INPP4B: variants seen among roughly 807,000 people sequenced by gnomAD.
INPP4B encodes inositol polyphosphate-4-phosphatase type II B, also known as inositol polyphosphate 4-phosphatase type II.
Under a neutral mutation model 122.5 loss-of-function variants are expected in INPP4B, and 55 were observed. The observed-to-expected ratio is 0.45, with a 90% CI of 0.36 to 0.56. INPP4B has a LOEUF of 0.56. Among genes scored for constraint, INPP4B ranks in the 20% least tolerant of loss-of-function variants. INPP4B has a pLI of 0.00. For synonymous variants in INPP4B, 403 were observed against 388.7 expected (o/e 1.04, Z -0.43); for missense variants, 1,000 against 1,097.7 (o/e 0.91, Z 1.26).
At chr4:142,292,928 G>A (rs1195567339) in intron 9 of INPP4B, among the ~76,000 whole-genome samples, 1 of 151,560 alleles carries the variant, frequency 6.6e-6, no homozygotes, top group African/African-American at 2.4e-5. Context: ...TTGATAATTT[G>A]TTAATTTTAA....
chr4:142,750,505 G>T (rs151037244), intron 1 of INPP4B, among the ~76,000 whole-genome samples: 1 of 151,998 alleles, frequency 6.6e-6, no homozygotes, highest in Non-Finnish European at 1.5e-5. Context: ...TAAACTTAGC[G>T]TTTATGGCCA....
intron 1 of INPP4B, among the ~76,000 whole-genome samples, chr4:142,815,170 G>T (rs1779971217): frequency 6.6e-6 from 1 of 152,116 alleles, no homozygotes; most frequent in South Asian, 2.1e-4. Flanking sequence ...GCCTGGACTG[G>T]TATTCCTCAA....
chr4:142,414,315 T>C lies in INPP4B; in HGVS notation c.137-8991A>G, dbSNP rs1874620. Among the ~76,000 whole-genome samples the C allele has an allele frequency of 1.5e-4, 23 of 151,848 alleles. No individual in the cohort carries two copies. In the East Asian group the frequency reaches 4.3e-3, roughly 28 times the overall value. ...GGCTTTTAAATAAAAAAAAAATGGA[T>C]GAGAAGATAAAATTCACTTCTTTAG... On this transcript the variant is annotated intron_variant, in intron 5 of 25. Coordinates refer to ENST00000262992, the MANE Select transcript of INPP4B (RefSeq NM_001101669.3).
At chr4:142,158,248 T>A (rs1339795628) in intron 17 of INPP4B, among the ~76,000 whole-genome samples, 1 of 152,104 alleles carries the variant, frequency 6.6e-6, no homozygotes, top group Non-Finnish European at 1.5e-5. Flanking sequence ...ATACTCAGAT[T>A]TAAATCTCCA....
chr4:142,755,342 C>T (rs1196472689), intron 1 of INPP4B, among the ~76,000 whole-genome samples: 1 of 151,960 alleles, frequency 6.6e-6, no homozygotes, highest in African/African-American at 2.4e-5. Context: ...GCATTGACTT[C>T]ATATGAACTT....
intron 3 of INPP4B, among the ~76,000 whole-genome samples, chr4:142,437,632 AC>A (rs560426802): frequency 4.9e-4 from 74 of 152,292 alleles, no homozygotes; most frequent in African/African-American, 1.6e-3. Flanking sequence ...AGAATTTTCA[AC>A]CCAGAATTTC....
chr4:142,266,414 G>A (rs1326169880), intron 10 of INPP4B, among the ~76,000 whole-genome samples: 2 of 152,166 alleles, frequency 1.3e-5, no homozygotes, highest in East Asian at 3.9e-4. Context: ...TAGGGTAGCA[G>A]AGAAGACCCT....
intron 2 of INPP4B, among the ~76,000 whole-genome samples, chr4:142,678,592 A>G (rs1758149436): frequency 6.6e-6 from 1 of 151,962 alleles, no homozygotes; most frequent in Non-Finnish European, 1.5e-5. Context: ...GGAAAGACTA[A>G]TTAGAAGACA....
intron 17 of INPP4B, among the ~76,000 whole-genome samples, chr4:142,153,555 A>G (rs1815534748): frequency 1.3e-5 from 2 of 152,204 alleles, no homozygotes; most frequent in African/African-American, 4.8e-5. Context: ...TCTAGAAAAT[A>G]TCCAAGGGAG....
chr4:142,334,526 C>T (rs1055600558), intron 7 of INPP4B, among the ~76,000 whole-genome samples: 3 of 152,100 alleles, frequency 2.0e-5, no homozygotes, highest in African/African-American at 7.2e-5. Context: ...TGAGGAACCC[C>T]CATACTGTTT....
chr4:142,168,047 T>C (rs1003714553), intron 16 of INPP4B, among the ~76,000 whole-genome samples: 3 of 151,568 alleles, frequency 2.0e-5, no homozygotes, highest in African/African-American at 4.8e-5. Context: ...AAGTCTGCTA[T>C]CATTCTTGTT....
intron 10 of INPP4B, among the ~76,000 whole-genome samples, chr4:142,269,586 G>A (rs1462369999): frequency 1.3e-5 from 2 of 152,116 alleles, no homozygotes; most frequent in African/African-American, 2.4e-5. Context: ...GGAAATGGGA[G>A]GTGCTCATCA....
chr4:142,668,921 G>C (rs1450807183), intron 2 of INPP4B, among the ~76,000 whole-genome samples: 2 of 151,952 alleles, frequency 1.3e-5, no homozygotes, highest in African/African-American at 2.4e-5. Context: ...CGGGCGTGGT[G>C]GTGGGCACAT....
At chr4:142,781,781 A>T (rs1473636459) in intron 1 of INPP4B, among the ~76,000 whole-genome samples, 1 of 152,104 alleles carries the variant, frequency 6.6e-6, no homozygotes, top group Non-Finnish European at 1.5e-5. Context: ...AACATATAGA[A>T]TATAATACTA....
intron 2 of INPP4B, among the ~76,000 whole-genome samples, chr4:142,692,947 A>T (rs1243164764): frequency 6.6e-6 from 1 of 152,138 alleles, no homozygotes; most frequent in Non-Finnish European, 1.5e-5. Flanking sequence ...ACATAGATAC[A>T]TAGATAGAGA....
intron 2 of INPP4B, among the ~76,000 whole-genome samples, chr4:142,587,234 C>T (rs1580435873): frequency 6.6e-6 from 1 of 152,062 alleles, no homozygotes; most frequent in Non-Finnish European, 1.5e-5. Flanking sequence ...AAGAAGATAA[C>T]ACCCCATCCA....
intron 2 of INPP4B, among the ~76,000 whole-genome samples, chr4:142,546,826 T>A (rs960715625): frequency 6.6e-6 from 1 of 152,132 alleles, no homozygotes; most frequent in African/African-American, 2.4e-5. Flanking sequence ...GAATTCCTAA[T>A]ACAACTAACT....
intron 25 of INPP4B, among the ~76,000 whole-genome samples, chr4:142,042,603 C>T (rs1264961445): frequency 6.6e-6 from 1 of 151,166 alleles, no homozygotes; most frequent in Non-Finnish European, 1.5e-5. Context: ...CACTCCGTCG[C>T]CCAGGCTGGA....
intron 12 of INPP4B, among the ~76,000 whole-genome samples, chr4:142,235,348 T>C (rs2149919517): frequency 6.6e-6 from 1 of 150,428 alleles, no homozygotes; most frequent in East Asian, 1.9e-4. Flanking sequence ...TTATGTTAAA[T>C]ACTATATATA....
Sources: gnomAD v4.1 joint callset for allele counts (sites outside exome capture counted in the v4.1 genomes callset) on GRCh38, gnomAD v4.1.1 for gene constraint, MANE v1.5 for transcripts, NCBI Gene and HGNC (gene_info 2026-07-23, HGNC 2026-07-21) for gene names.